The following ESYT2 variants were observed in gnomAD, a reference collection of about 807,000 sequenced individuals.
ESYT2 encodes the protein extended synaptotagmin-2.
In ESYT2, 54 loss-of-function variants were observed where a neutral mutation model predicts 107.2. The ratio of observed to expected loss-of-function variants is 0.50; its 90% CI spans 0.40 to 0.63. ESYT2 has a LOEUF of 0.63. Among genes scored for constraint, ESYT2 ranks in the 30% least tolerant of loss-of-function variants. The probability of loss-of-function intolerance (pLI) is 0.00; values close to 1 mark genes in which losing one functional copy is unlikely to be tolerated. For missense variants in ESYT2, 1,020 were observed against 1,094.5 expected (o/e 0.93, Z 0.96); for synonymous variants, 491 against 434.1 (o/e 1.13, Z -1.63).
At chr7:158,749,085 T>G (rs1312909649) in intron 15 of ESYT2, among the ~76,000 whole-genome samples, 1 of 152,062 alleles carries the variant, frequency 6.6e-6, no homozygotes, top group Non-Finnish European at 1.5e-5. Flanking sequence ...AAAAACATAT[T>G]CATCTATTAC....
At position 158,773,412 on chromosome 7, in the gene ESYT2, G is replaced by A; in HGVS notation, c.748-16C>T. 1 of 1,613,612 alleles carries A rather than the reference G, an allele frequency of 6.2e-7. No homozygotes were observed. ...TTTCTAAAAGCTGTTTTAAAACAAGGGCAAAATATTAAGTTCCAAACAATT... is the reference window on the plus strand; with the variant it reads ...TTTCTAAAAGCTGTTTTAAAACAAGAGCAAAATATTAAGTTCCAAACAATT... On this transcript the variant is annotated splice_polypyrimidine_tract_variant and intron_variant, in intron 6 of 22. Coordinates refer to ENST00000275418, the MANE Select transcript of ESYT2 (RefSeq NM_001367773.1).
intron 13 of ESYT2, among the ~76,000 whole-genome samples, chr7:158,756,099 G>T (rs1010480795): frequency 1.3e-5 from 2 of 152,108 alleles, no homozygotes; most frequent in African/African-American, 4.8e-5. Flanking sequence ...TAAAAAATAA[G>T]AATAAACTGA....
At chr7:158,777,027 A>AT (rs201667253) in intron 6 of ESYT2, among the ~76,000 whole-genome samples, 106 of 144,392 alleles carry the variant, frequency 7.3e-4, no homozygotes, top group South Asian at 5.1e-3. Context: ...TAATTTTTGT[A>AT]TTTTTTTTTT....
At chr7:158,746,679 A>G (rs1837412530) in intron 16 of ESYT2, among the ~76,000 whole-genome samples, 1 of 152,142 alleles carries the variant, frequency 6.6e-6, no homozygotes, top group Non-Finnish European at 1.5e-5. Flanking sequence ...TAGGGCAAAT[A>G]ATAATCTTTT....
At chr7:158,821,699 G>A (rs1840289660) in intron 1 of ESYT2, among the ~76,000 whole-genome samples, 1 of 152,092 alleles carries the variant, frequency 6.6e-6, no homozygotes, top group Non-Finnish European at 1.5e-5. Flanking sequence ...CTCACTGCTG[G>A]GCCCAGAGTA....
chr7:158,747,326 A>G (rs28779026), intron 16 of ESYT2, among the ~76,000 whole-genome samples: 1,946 of 152,278 alleles, frequency 0.013, 46 homozygotes, highest in African/African-American at 0.044. Context: ...AGCCTCCATG[A>G]CAGAGTGAGA....
chr7:158,734,191 C>T lies in ESYT2; in HGVS notation c.*16G>A. 51 of 1,614,098 alleles carry T rather than the reference C, an allele frequency of 3.2e-5. No homozygotes were observed. The highest frequency in any genetic ancestry group is 4.3e-5 in the Non-Finnish European group (51 of 1,180,026). On this transcript the variant is annotated 3_prime_UTR_variant, in exon 23 of 23. Coordinates refer to ENST00000275418, the MANE Select transcript of ESYT2 (RefSeq NM_001367773.1). ...TGGAGAGCTACGCTGAAGAGGACGCCTCCTGCCTGCTGCGGCTATGTCATC... is the reference window on the plus strand; with the variant it reads ...TGGAGAGCTACGCTGAAGAGGACGCTTCCTGCCTGCTGCGGCTATGTCATC...
At chr7:158,782,633 GGTAT>G (rs1015454419) in intron 6 of ESYT2, among the ~76,000 whole-genome samples, 39 of 85,480 alleles carry the variant, frequency 4.6e-4, no homozygotes, top group Non-Finnish European at 7.9e-4. Flanking sequence ...ATGTGAAGTG[GGTAT>G]GTGAGAACAA....
At chr7:158,809,203 C>T (rs529479066) in intron 1 of ESYT2, among the ~76,000 whole-genome samples, 1 of 151,646 alleles carries the variant, frequency 6.6e-6, no homozygotes, top group Non-Finnish European at 1.5e-5. Flanking sequence ...GGGCGTGGTG[C>T]GTGGTGGCTC....
At chr7:158,745,500 T>A (rs1300286227) in intron 16 of ESYT2, among the ~76,000 whole-genome samples, 2 of 152,216 alleles carry the variant, frequency 1.3e-5, no homozygotes, top group Admixed American at 1.3e-4. Flanking sequence ...CCAACCACCC[T>A]GACCTACTGA....
chr7:158,796,630 T>G (rs1451390060), intron 3 of ESYT2, among the ~76,000 whole-genome samples: 1 of 152,082 alleles, frequency 6.6e-6, no homozygotes, highest in Non-Finnish European at 1.5e-5. Context: ...AAAAAGTCAG[T>G]GTTAAAGAGA....
chr7:158,785,212 C>T (rs1308436633), intron 6 of ESYT2, among the ~76,000 whole-genome samples: 3 of 152,114 alleles, frequency 2.0e-5, no homozygotes, highest in African/African-American at 7.2e-5. Context: ...CACCTGAGGT[C>T]ATAAGTTCAA....
intron 6 of ESYT2, among the ~76,000 whole-genome samples, chr7:158,782,302 G>A (rs996666665): frequency 1.9e-4 from 26 of 139,708 alleles, no homozygotes; most frequent in Non-Finnish European, 3.2e-4. Flanking sequence ...TGAAACAAGT[G>A]AACAAGTGTG....
chr7:158,766,345 AGCT>A, intron 8 of ESYT2, among the ~76,000 whole-genome samples: 1 of 152,330 alleles, frequency 6.6e-6, no homozygotes, highest in East Asian at 1.9e-4. Flanking sequence ...AAGCCCATGC[AGCT>A]GAGGGCAGCC....
Position 158,799,055 on chromosome 7 carries a change from A to C in ESYT2, c.348T>G (p.Thr116=), listed in dbSNP as rs768545926. Residue 116 remains threonine (T), a synonymous_variant, in exon 2 of 23, where the codon ACT becomes ACG. Transcript: ENST00000275418. ...DLPAWVHFPD[T]ERAEWLNKTV... ...CCTTATTTAGCCATTCTGCTCTTTC[A>C]GTGTCTGGAAAATGAACCTAGGAGG... The C allele has an allele frequency of 6.2e-6, 10 of 1,613,582 alleles. 1 individual carries two copies. Among genetic ancestry groups the C allele is most frequent in the Non-Finnish European group, 4.2e-6 (5 of 1,179,664 alleles).
intron 7 of ESYT2, among the ~76,000 whole-genome samples, chr7:158,772,804 A>G (rs1392740886): frequency 1.3e-5 from 2 of 151,850 alleles, no homozygotes; most frequent in Admixed American, 1.3e-4. Context: ...CGGAACTTCA[A>G]GTTCCTCACC....
At chr7:158,755,160 G>A (rs761247916) in intron 13 of ESYT2, among the ~76,000 whole-genome samples, 1 of 152,150 alleles carries the variant, frequency 6.6e-6, no homozygotes, top group Non-Finnish European at 1.5e-5. Flanking sequence ...TGCACTCCTG[G>A]AGCTGGAATT....
intron 6 of ESYT2, among the ~76,000 whole-genome samples, chr7:158,781,586 T>C (rs529442734): frequency 7.0e-6 from 1 of 142,370 alleles, no homozygotes; most frequent in South Asian, 2.2e-4. Context: ...GTGTGAGAGG[T>C]TTGAGTATAA....
At chr7:158,796,643 C>T (rs1231374743) in intron 3 of ESYT2, among the ~76,000 whole-genome samples, 1 of 152,220 alleles carries the variant, frequency 6.6e-6, no homozygotes, top group African/African-American at 2.4e-5. Flanking sequence ...TAAAGAGAAG[C>T]CATGAGACGG....
Sources: gnomAD v4.1 joint callset for allele counts (sites outside exome capture counted in the v4.1 genomes callset) on GRCh38, gnomAD v4.1.1 for gene constraint, MANE v1.5 for transcripts, NCBI Gene and HGNC (gene_info 2026-07-23, HGNC 2026-07-21) for gene names.